The following UVRAG variants were observed in gnomAD, a reference collection of about 807,000 sequenced individuals.
UVRAG encodes the protein UV radiation resistance associated.
A neutral mutation model predicts 78.0 loss-of-function variants in UVRAG; 19 were observed. The ratio of observed to expected loss-of-function variants is 0.24; its 90% confidence interval spans 0.17 to 0.36. UVRAG has a LOEUF of 0.36. Ranked by LOEUF, UVRAG falls within the 10% of genes least tolerant of loss-of-function variation. The pLI, the probability that UVRAG is intolerant of heterozygous loss-of-function variation, is 1.00. For missense variants in UVRAG, 740 were observed against 853.8 expected, an observed-to-expected ratio of 0.87 and a Z score of 1.66; for synonymous variants, 323 against 324.6, an observed-to-expected ratio of 1.00 and a Z score of 0.05.
Position 76,004,108 on chromosome 11 carries a change from G to T in UVRAG, c.911+19G>T. 2 of 1,608,450 alleles carry T rather than the reference G, an allele frequency of 1.2e-6. No homozygotes were observed. The highest frequency in any genetic ancestry group is 1.7e-6 in the Non-Finnish European group (2 of 1,175,122). ...CAAAAAGGTAAATGCACACTGAGAA[G>T]AATTGCTGTGAGTGTGGAGTTTACT... On this transcript the variant is annotated intron_variant, in intron 9 of 14. Transcript: ENST00000356136.
intron 2 of UVRAG, among the ~76,000 whole-genome samples, chr11:75,856,205 G>A (rs769904546): frequency 2.0e-4 from 31 of 152,144 alleles, no homozygotes; most frequent in African/African-American, 5.5e-4. Context: ...TTGTTTCACC[G>A]TGTTAGCCAG....
intron 12 of UVRAG, among the ~76,000 whole-genome samples, chr11:76,053,308 A>AAC (rs377457433): frequency 0.1 from 14,755 of 140,666 alleles, 852 homozygotes; most frequent in South Asian, 0.2. Context: ...TCTGTCTCAA[A>AAC]ACACACACAC....
At position 76,117,437 on chromosome 11, in the gene UVRAG, A is replaced by G. The variant is rs569056119; in HGVS notation, c.1397+1422A>G. Among the ~76,000 whole-genome samples, 8 of 152,298 alleles carry G rather than the reference A, an allele frequency of 5.3e-5. No individual in the cohort carries two copies. In the South Asian group the frequency reaches 8.3e-4, roughly 16 times the overall value. ...ATAGAGATCCATTTCCAGGATCCCTATTCTGTTCTGTTGCTTTATTTGGCT... is the reference window on the plus strand; with the variant it reads ...ATAGAGATCCATTTCCAGGATCCCTGTTCTGTTCTGTTGCTTTATTTGGCT... On this transcript the variant is annotated intron_variant, in intron 14 of 14. Coordinates refer to ENST00000356136, the MANE Select transcript of UVRAG (RefSeq NM_003369.4).
At chr11:75,965,624 C>T (rs537834090) in intron 7 of UVRAG, among the ~76,000 whole-genome samples, 2 of 152,232 alleles carry the variant, frequency 1.3e-5, no homozygotes, top group Non-Finnish European at 2.9e-5. Context: ...AGATGTTGGA[C>T]ATCTTTTGTT....
chr11:76,029,378 A>T lies in UVRAG; in HGVS notation c.1226+12398A>T, dbSNP rs564196728. Among the ~76,000 whole-genome samples the T allele has an allele frequency of 2.0e-5, 3 of 152,302 alleles. No homozygotes were observed. In the South Asian group the frequency reaches 6.2e-4, roughly 32 times the overall value. ...TAAGAAACACATTTCATCACATTTC[A>T]TAAGACTGTAGCTGCCATACATAGT... On this transcript the variant is annotated intron_variant, in intron 12 of 14. Transcript: ENST00000356136.
intron 8 of UVRAG, among the ~76,000 whole-genome samples, chr11:75,986,698 A>G (rs1003858469): frequency 6.6e-6 from 1 of 152,180 alleles, no homozygotes; most frequent in African/African-American, 2.4e-5. Flanking sequence ...AGAGTTGTGC[A>G]GTGATCACCA....
chr11:76,053,336 CACACACAA>C (rs1225988901), intron 12 of UVRAG, among the ~76,000 whole-genome samples: 4 of 151,620 alleles, frequency 2.6e-5, no homozygotes, highest in African/African-American at 9.7e-5. Context: ...CACACACACA[CACACACAA>C]AAATAAATAT....
chr11:75,974,241 C>G (rs971816234), intron 7 of UVRAG, among the ~76,000 whole-genome samples: 2 of 151,214 alleles, frequency 1.3e-5, no homozygotes, highest in African/African-American at 4.9e-5. Context: ...TTAATGATCT[C>G]TATTCTAACT....
At chr11:76,137,340 G>A (rs1293782125) in intron 14 of UVRAG, 1 of 456,006 alleles carries the variant, frequency 2.2e-6, no homozygotes, top group East Asian at 6.9e-5. Context: ...CTACAGAACA[G>A]ACACCACTGA....
chr11:75,979,119 G>C lies in UVRAG; in HGVS notation c.700-4268G>C, dbSNP rs572846148. On this transcript the variant is annotated intron_variant, in intron 7 of 14. Transcript: ENST00000356136. Reference sequence around the variant, plus strand: ...ACTCAGGACCCTCAGCTGCAGGTCTGTTGGAGTTTGCTGGAGGTCCACTCC... The same window carrying C: ...ACTCAGGACCCTCAGCTGCAGGTCTCTTGGAGTTTGCTGGAGGTCCACTCC... Among the ~76,000 whole-genome samples the C allele has an allele frequency of 2.0e-5, 3 of 152,360 alleles. No homozygotes were observed. In the South Asian group the frequency reaches 6.2e-4, roughly 32 times the overall value.
At chr11:75,952,946 C>T (rs1017703407) in intron 6 of UVRAG, among the ~76,000 whole-genome samples, 2 of 151,940 alleles carry the variant, frequency 1.3e-5, no homozygotes, top group African/African-American at 4.8e-5. Flanking sequence ...GATGGTGGTT[C>T]TTTAGATTTT....
rs1946425089 is a variant in UVRAG, at chr11:75,861,683, A to G, written c.236-63A>G. 5.7e-6 allele frequency: 7 copies of G among 1,222,010 alleles called. No homozygotes were observed. In the South Asian group the frequency reaches 7.8e-5, roughly 14 times the overall value. 75.7% of individuals were successfully genotyped at this position (1,222,010 alleles called of 1,614,324 possible). On this transcript the variant is annotated intron_variant, in intron 2 of 14. Transcript: ENST00000356136. ...ATATGTTAAAAAAATTAGAGGATTA[A>G]CAGTTGGTTAATGGGCTTATTTTCT...
chr11:75,971,588 T>TA (rs956993283), intron 7 of UVRAG, among the ~76,000 whole-genome samples: 2 of 152,224 alleles, frequency 1.3e-5, no homozygotes, highest in African/African-American at 4.8e-5. Context: ...CCTAATGACT[T>TA]ACGATGTTAA....
At position 75,983,374 on chromosome 11, in the gene UVRAG, T is replaced by G; in HGVS notation, c.700-13T>G. The G allele has an allele frequency of 6.3e-7, 1 of 1,578,286 alleles. No homozygotes were observed. The highest frequency in any genetic ancestry group is 1.4e-5 in the African/African-American group (1 of 73,112). Reference sequence around the variant, plus strand: ...TTATATTCATAAATATACCTGTGATTTTATTTATTTAGAAAAAAAAAAGTG... The same window carrying G: ...TTATATTCATAAATATACCTGTGATGTTATTTATTTAGAAAAAAAAAAGTG... On this transcript the variant is annotated splice_polypyrimidine_tract_variant and intron_variant, in intron 7 of 14. Transcript: ENST00000356136.
At chr11:76,015,603 TA>T (rs151013207) in intron 11 of UVRAG, among the ~76,000 whole-genome samples, 3,187 of 151,952 alleles carry the variant, frequency 0.021, 40 homozygotes, top group South Asian at 0.043. Context: ...AGTATATATA[TA>T]AAAAAATATA....
intron 12 of UVRAG, among the ~76,000 whole-genome samples, chr11:76,049,487 T>A (rs1950822463): frequency 6.6e-6 from 1 of 152,220 alleles, no homozygotes; most frequent in Non-Finnish European, 1.5e-5. Context: ...AACATCTGAT[T>A]TGTGGGGAGA....
chr11:76,029,089 T>A (rs1950387172), intron 12 of UVRAG, among the ~76,000 whole-genome samples: 1 of 152,176 alleles, frequency 6.6e-6, no homozygotes, highest in African/African-American at 2.4e-5. Flanking sequence ...CTGGGGCCCT[T>A]AAGAATGATG....
At chr11:75,949,126 T>C (rs2135159374) in intron 6 of UVRAG, among the ~76,000 whole-genome samples, 1 of 152,214 alleles carries the variant, frequency 6.6e-6, no homozygotes, top group South Asian at 2.1e-4. Context: ...TGAAATGGCT[T>C]TAATTAAGTC....
At chr11:75,965,801 A>G (rs949334294) in intron 7 of UVRAG, among the ~76,000 whole-genome samples, 1 of 152,154 alleles carries the variant, frequency 6.6e-6, no homozygotes, top group Non-Finnish European at 1.5e-5. Flanking sequence ...ATATTAACTT[A>G]TTCATTATGC....
Sources: gnomAD v4.1 joint callset for allele counts (sites outside exome capture counted in the v4.1 genomes callset) on GRCh38, gnomAD v4.1.1 for gene constraint, MANE v1.5 for transcripts, NCBI Gene and HGNC (gene_info 2026-07-23, HGNC 2026-07-21) for gene names.